The following NAV1 variants were observed in gnomAD, a reference collection of about 807,000 sequenced individuals.
The protein encoded by NAV1 is neuron navigator 1.
A neutral mutation model predicts 175.2 loss-of-function variants in NAV1; 18 were observed. The observed-to-expected ratio is 0.10, with a 90% CI of 0.07 to 0.15. The LOEUF (loss-of-function observed/expected upper bound fraction) is 0.15, where lower values mean the gene tolerates loss of function less well. Among genes scored for constraint, NAV1 ranks in the 10% least tolerant of loss-of-function variants. The probability of loss-of-function intolerance (pLI) is 1.00; values close to 1 mark genes in which losing one functional copy is unlikely to be tolerated. For synonymous variants in NAV1, 897 were observed against 978.7 expected (o/e 0.92, Z 1.56); for missense variants, 1,731 against 2,436.6 (o/e 0.71, Z 6.10).
chr1:201,618,451 A>G (rs188135185), upstream of NAV1, among the ~76,000 whole-genome samples: 1,161 of 152,206 alleles, frequency 7.6e-3, 12 homozygotes, highest in Non-Finnish European at 0.012. Flanking sequence ...AGAGCTGCCT[A>G]TGACTGATCT....
At chr1:201,603,747 C>T (rs1667589888) in intron 2 of NAV1, among the ~76,000 whole-genome samples, 1 of 152,156 alleles carries the variant, frequency 6.6e-6, no homozygotes, top group South Asian at 2.1e-4. Context: ...TTGTTATCCC[C>T]ATTTTACAGA....
At chr1:201,760,879 T>C (rs1674795648) in intron 3 of NAV1, among the ~76,000 whole-genome samples, 1 of 152,188 alleles carries the variant, frequency 6.6e-6, no homozygotes, top group African/African-American at 2.4e-5. Flanking sequence ...TAGTTCAGTA[T>C]AGTAGTGTGC....
intron 1 of NAV1, among the ~76,000 whole-genome samples, chr1:201,628,606 G>C (rs1236628253): frequency 6.6e-6 from 1 of 152,096 alleles, no homozygotes; most frequent in Non-Finnish European, 1.5e-5. Flanking sequence ...TGCCTGCACA[G>C]CCCTCCCCTC....
At chr1:201,706,096 A>G (rs1243373434) in intron 1 of NAV1, among the ~76,000 whole-genome samples, 1 of 152,194 alleles carries the variant, frequency 6.6e-6, no homozygotes, top group Non-Finnish European at 1.5e-5. Flanking sequence ...AATGATTCCC[A>G]AAGACGTTTG....
exon 1 of NAV1, chr1:201,648,458 C>T: frequency 1.6e-6 from 2 of 1,218,010 alleles, no homozygotes. Flanking sequence ...TTCCCGGCTT[C>T]CTTCCTCGCG....
At position 201,629,432 on chromosome 1, in the gene NAV1, C is replaced by A. The variant is rs184614267; in HGVS notation, c.-72C>A. 3.1e-4 allele frequency: 410 copies of A among 1,304,100 alleles called. No homozygotes were observed. The African/African-American group carries it at 5.5e-3, about 17-fold the overall frequency. 80.8% of individuals were successfully genotyped at this position (1,304,100 alleles called of 1,614,324 possible). A position where few individuals can be genotyped will look rare whatever the true frequency, so the allele number is the denominator to read the frequency against. On this transcript the variant is annotated 5_prime_UTR_variant, in exon 2 of 30. Coordinates refer to the NAV1 transcript ENST00000367302. ...GCAAACTGACCAGAAACCTGGCCCC[C>A]TCTCCCAGGGCAGCTGGCCCCTTGA...
chr1:201,570,225 G>C (rs1347161749), intron 1 of NAV1, among the ~76,000 whole-genome samples: 1 of 152,164 alleles, frequency 6.6e-6, no homozygotes, highest in African/African-American at 2.4e-5. Context: ...GCTGTGCCCA[G>C]GGCTGCTCTT....
In NAV1 at chr1:201,810,157, G is replaced by C; in HGVS notation, c.4561+52G>C. 1.3e-6 allele frequency: 2 copies of C among 1,594,092 alleles called. No homozygotes were observed. Among genetic ancestry groups the C allele is most frequent in the Non-Finnish European group, 1.7e-6 (2 of 1,167,164 alleles). On this transcript the variant is annotated intron_variant, in intron 23 of 29. Coordinates refer to ENST00000367296, the Ensembl canonical transcript of NAV1. The surrounding 1 kb of genome is among the most constrained non-coding windows in gnomAD (Gnocchi z 6.0). ...TGGTGTGGCATGAAGGCAGGGACAG[G>C]ATCATCAAATAATCCATCATGCATT... is the stretch of plus-strand genomic sequence containing the variant.
chr1:201,734,499 G>GAAGAGGAAGAAGAAGAAGAAGAAGA (rs1673016206), intron 3 of NAV1, among the ~76,000 whole-genome samples: 1 of 121,060 alleles, frequency 8.3e-6, no homozygotes, highest in Non-Finnish European at 1.8e-5. Flanking sequence ...GAAGGAGAAG[G>GAAGAGGAAGAAGAAGAAGAAGAAGA]AGAAGAAGAA....
intron 1 of NAV1, 44 bp downstream of exon 5, chr1:201,649,469 T>A (rs1312306557): frequency 1.4e-5 from 20 of 1,418,200 alleles, no homozygotes; most frequent in Non-Finnish European, 1.9e-5. Flanking sequence ...GGCTTTCTCC[T>A]AACCAGCTGC....
At chr1:201,752,842 C>G (rs190291509) in intron 3 of NAV1, among the ~76,000 whole-genome samples, 1 of 152,152 alleles carries the variant, frequency 6.6e-6, no homozygotes, top group African/African-American at 2.4e-5. Context: ...GGAAACTGTT[C>G]TTTACTGCAT....
intron 1 of NAV1, among the ~76,000 whole-genome samples, chr1:201,565,239 A>G (rs1666318455): frequency 6.6e-6 from 1 of 152,270 alleles, no homozygotes; most frequent in South Asian, 2.1e-4. Flanking sequence ...AGTGCTCATT[A>G]AATATTTAGC....
chr1:201,759,071 T>C (rs907193682), intron 3 of NAV1, among the ~76,000 whole-genome samples: 3 of 152,224 alleles, frequency 2.0e-5, no homozygotes, highest in African/African-American at 7.2e-5. Context: ...CATATTTAGG[T>C]GCTGAACATA....
At chr1:201,640,766 G>T (rs1668729818) in intron 2 of NAV1, among the ~76,000 whole-genome samples, 5 of 152,132 alleles carry the variant, frequency 3.3e-5, no homozygotes, top group Admixed American at 2.0e-4. Flanking sequence ...TTGCCACGGG[G>T]TATTAAGAGG....
At chr1:201,676,684 GC>G (rs914695424) in intron 1 of NAV1, among the ~76,000 whole-genome samples, 11 of 152,172 alleles carry the variant, frequency 7.2e-5, no homozygotes, top group Admixed American at 6.5e-4. Flanking sequence ...AGAAGCTGCA[GC>G]CCAAGCCCTT....
Position 201,691,200 on chromosome 1 carries a change from C to A in NAV1, c.758-21617C>A, listed in dbSNP as rs113381664. Among the ~76,000 whole-genome samples the A allele has an allele frequency of 4.5e-3, 686 of 152,268 alleles. 4 individuals carry two copies. Among genetic ancestry groups the A allele is most frequent in the African/African-American group, 0.016 (660 of 41,542 alleles). ...TCTACTCACTAGATGCCAGTAACAC[C>A]CCCTCCCAAGTCATGAAAGTCAAAA... On this transcript the variant is annotated intron_variant, in intron 1 of 29. Coordinates refer to ENST00000367296, the Ensembl canonical transcript of NAV1.
rs922891429 is a variant in NAV1, at chr1:201,610,345, C to T, written c.-32-12508C>T. 5.3e-5 allele frequency among the ~76,000 whole-genome samples: 8 copies of T among 152,328 alleles called. 1 individual carries two copies. Among genetic ancestry groups the T allele is most frequent in the South Asian group, 4.1e-4 (2 of 4,828 alleles). On this transcript the variant is annotated intron_variant, in intron 2 of 33. Transcript: ENST00000685211. ...GAAACAGCACAAGTCTTCAGTTGGA[C>T]GGCTCTGAGTTCCCTCCCTGAAGCT...
At chr1:201,756,610 G>A (rs1674477980) in intron 3 of NAV1, among the ~76,000 whole-genome samples, 1 of 152,102 alleles carries the variant, frequency 6.6e-6, no homozygotes, top group Admixed American at 6.5e-5. Flanking sequence ...CTACTTCCTT[G>A]CTGCCTAGCT....
At chr1:201,802,866 G>A (rs1678027126) in intron 15 of NAV1, among the ~76,000 whole-genome samples, 2 of 151,826 alleles carry the variant, frequency 1.3e-5, no homozygotes, top group Non-Finnish European at 2.9e-5. Flanking sequence ...ACTTTTTTCT[G>A]TACCCCCACA....
Sources: allele counts gnomAD v4.1 joint callset (sites outside exome capture counted in the v4.1 genomes callset), GRCh38; gene constraint gnomAD v4.1.1; non-coding constraint Gnocchi (gnomAD v3.1); transcripts MANE v1.5; gene names NCBI Gene and HGNC (gene_info 2026-07-23, HGNC 2026-07-21).